The following BCAP29 variants were observed in gnomAD, a reference collection of about 807,000 sequenced individuals.
BCAP29 encodes B cell receptor associated protein 29.
A neutral mutation model predicts 31.8 loss-of-function variants in BCAP29; 34 were observed. The ratio of observed to expected loss-of-function variants is 1.07; its 90% CI spans 0.81 to 1.42. The LOEUF is 1.42. Among genes scored for constraint, BCAP29 ranks in the 40% most tolerant of loss-of-function variants. BCAP29 has a pLI of 0.00. For missense variants in BCAP29, 314 were observed against 269.2 expected (o/e 1.17, Z -1.16); for synonymous variants, 104 against 91.3 (o/e 1.14, Z -0.79).
At chr7:107,588,559 A>G (rs563176029) in intron 3 of BCAP29, among the ~76,000 whole-genome samples, 13 of 152,320 alleles carry the variant, frequency 8.5e-5, no homozygotes, top group African/African-American at 3.1e-4. Context: ...GGCCTTGTAG[A>G]GCAACCAAAA....
chr7:107,592,380 CAAAG>C (rs1214709350), intron 3 of BCAP29, among the ~76,000 whole-genome samples: 2 of 152,130 alleles, frequency 1.3e-5, no homozygotes, highest in Non-Finnish European at 2.9e-5. Flanking sequence ...ATAAAAACCA[CAAAG>C]AAATGCCACT....
chr7:107,580,672 C>A, intron 1 of BCAP29, 87 bp from the exon 2 acceptor site: 2 of 859,144 alleles, frequency 2.3e-6, no homozygotes, highest in Non-Finnish European at 3.7e-6. Flanking sequence ...CACTGTCCAT[C>A]CCCTGGACAA....
rs199509606 is a variant in BCAP29 at position 107,618,540 on chromosome 7, T to C, written c.*177T>C. 5.0e-6 allele frequency: 8 copies of C among 1,603,980 alleles called. No individual in the cohort carries two copies. The highest frequency in any genetic ancestry group is 6.8e-6 in the Non-Finnish European group (8 of 1,171,456). ...ATATTTGATGATGTTTCAGATATAT[T>C]GCAAAGTCTGTATTCCAGCTCTTAA... is the stretch of plus-strand genomic sequence containing the variant. On this transcript the variant is annotated 3_prime_UTR_variant, in exon 8 of 8. Coordinates refer to ENST00000005259, the MANE Select transcript of BCAP29 (RefSeq NM_018844.4).
chr7:107,613,668 T>A (rs1562799147), intron 7 of BCAP29: 2 of 1,605,456 alleles, frequency 1.2e-6, no homozygotes, highest in East Asian at 4.5e-5. Flanking sequence ...CCAGTTTTGG[T>A]GAATTTTTAA....
rs567465832 is a variant in BCAP29 at position 107,616,898 on chromosome 7, G to A, written c.691-1430G>A. Among the ~76,000 whole-genome samples the A allele has an allele frequency of 4.6e-5, 7 of 152,132 alleles. No homozygotes were observed. The South Asian group carries it at 1.2e-3, about 27-fold the overall frequency. On this transcript the variant is annotated intron_variant, in intron 7 of 7. Transcript: ENST00000005259. ...GGACTACAAGCACATGCCACCATGC[G>A]CAGCTAAGTTGGGTATTTTTAGTAG...
intron 5 of BCAP29, 186 bp from the exon 6 acceptor site, chr7:107,600,209 TTG>T (rs1410136002): frequency 3.9e-5 from 24 of 621,388 alleles, no homozygotes; most frequent in Non-Finnish European, 6.4e-5. Flanking sequence ...GAAATCTTTT[TTG>T]TGTGTTTCCC....
intron 6 of BCAP29, among the ~76,000 whole-genome samples, chr7:107,608,877 C>T (rs1359313355): frequency 6.6e-6 from 1 of 152,196 alleles, no homozygotes; most frequent in African/African-American, 2.4e-5. Context: ...AAAGCTTACA[C>T]TTTTCATTTA....
chr7:107,585,697 G>A (rs911917690), intron 3 of BCAP29, among the ~76,000 whole-genome samples: 6 of 152,074 alleles, frequency 3.9e-5, no homozygotes, highest in South Asian at 2.1e-4. Flanking sequence ...GGTTACATTA[G>A]AAACAAACTT....
chr7:107,597,412 G>A (rs1810057642), intron 5 of BCAP29, among the ~76,000 whole-genome samples: 1 of 152,078 alleles, frequency 6.6e-6, no homozygotes, highest in African/African-American at 2.4e-5. Context: ...ACATTATCCA[G>A]TGGAAACTGC....
chr7:107,601,533 G>A (rs1451422488), intron 6 of BCAP29, among the ~76,000 whole-genome samples: 1 of 152,146 alleles, frequency 6.6e-6, no homozygotes, highest in Admixed American at 6.5e-5. Flanking sequence ...TATAGACAAA[G>A]TGGTATATTA....
intron 6 of BCAP29, among the ~76,000 whole-genome samples, chr7:107,612,351 C>T (rs887604916): frequency 7.3e-6 from 1 of 137,780 alleles, no homozygotes; most frequent in African/African-American, 2.7e-5. Context: ...AGCTCTTCTA[C>T]ATATTTTGCT....
intron 7 of BCAP29, chr7:107,613,797 C>T (rs1015960635): frequency 2.5e-6 from 3 of 1,176,766 alleles, no homozygotes; most frequent in Admixed American, 1.7e-5. Flanking sequence ...TTTCAAGTTC[C>T]ACATCACACT....
intron 7 of BCAP29, among the ~76,000 whole-genome samples, chr7:107,617,127 A>G (rs1814332317): frequency 2.0e-5 from 3 of 152,178 alleles, no homozygotes; most frequent in African/African-American, 7.2e-5. Context: ...TCTATGGTAA[A>G]AAGCTCTATC....
rs1209806553 is a variant in BCAP29, at chr7:107,619,551, A to ATC, written c.*1189_*1190insCT. ...TTTTTTTCATCATAAAGTGGATGAAATGAGCAAGTACCTAAAAATTTTATT... is the reference window on the plus strand; with the variant it reads ...TTTTTTTCATCATAAAGTGGATGAAATCTGAGCAAGTACCTAAAAATTTTATT... On this transcript the variant is annotated 3_prime_UTR_variant, in exon 8 of 8. Coordinates refer to ENST00000005259, the MANE Select transcript of BCAP29 (RefSeq NM_018844.4). 1 of 152,194 alleles carries ATC rather than the reference A, an allele frequency of 6.6e-6. No homozygotes were observed. The highest frequency in any genetic ancestry group is 2.4e-5 in the African/African-American group (1 of 41,458). The allele number at this position is 152,194 out of a possible 1,614,324, so 9.4% of individuals were successfully genotyped here.
At chr7:107,586,368 AG>A (rs1807682118) in intron 3 of BCAP29, among the ~76,000 whole-genome samples, 1 of 152,202 alleles carries the variant, frequency 6.6e-6, no homozygotes, top group South Asian at 2.1e-4. Flanking sequence ...ATAACCAGGA[AG>A]GTCACAAGGG....
intron 6 of BCAP29, among the ~76,000 whole-genome samples, chr7:107,603,869 G>A (rs995488626): frequency 5.3e-5 from 8 of 151,862 alleles, no homozygotes; most frequent in Admixed American, 2.0e-4. Context: ...CTCCAAAAAC[G>A]CTGGGATTAC....
At chr7:107,610,367 A>C (rs1204981805) in intron 6 of BCAP29, among the ~76,000 whole-genome samples, 3 of 152,208 alleles carry the variant, frequency 2.0e-5, no homozygotes, top group Admixed American at 1.3e-4. Flanking sequence ...CTCCTTGTCC[A>C]ATAATATTTT....
intron 3 of BCAP29, among the ~76,000 whole-genome samples, chr7:107,591,300 A>G (rs1403983550): frequency 6.6e-6 from 1 of 152,244 alleles, no homozygotes; most frequent in Non-Finnish European, 1.5e-5. Context: ...AAAACAGTCA[A>G]AAAATCTTTA....
intron 6 of BCAP29, among the ~76,000 whole-genome samples, chr7:107,609,280 C>T (rs1240884975): frequency 1.3e-5 from 2 of 152,186 alleles, no homozygotes; most frequent in Non-Finnish European, 2.9e-5. Flanking sequence ...GCCTAGAAGC[C>T]ATCCTGAAGG....
Sources: gnomAD v4.1 joint callset for allele counts (sites outside exome capture counted in the v4.1 genomes callset) on GRCh38, gnomAD v4.1.1 for gene constraint, MANE v1.5 for transcripts, NCBI Gene and HGNC (gene_info 2026-07-23, HGNC 2026-07-21) for gene names.